Variants in XAF1 observed in about 807,000 individuals in gnomAD.
XAF1 encodes XIAP-associated factor 1.
A neutral mutation model predicts 32.3 loss-of-function variants in XAF1; 32 were observed. That is an observed-to-expected ratio of 0.99 (90% CI 0.75 to 1.33). The LOEUF (loss-of-function observed/expected upper bound fraction) is 1.33. XAF1 is among the 40% of genes most tolerant of loss of function. XAF1 has a pLI of 0.00. For synonymous variants in XAF1, 120 were observed against 125.9 expected (o/e 0.95, Z 0.31); for missense variants, 379 against 366.0 (o/e 1.04, Z -0.29).
rs1172059352 is a variant in XAF1, at chr17:6,756,097, G to C, written c.19G>C (p.Val7Leu). The C allele has an allele frequency of 1.2e-6, 2 of 1,614,062 alleles. No individual in the cohort carries two copies. The highest frequency in any genetic ancestry group is 2.7e-5 in the African/African-American group (2 of 75,018). The change falls in exon 1 of 7, where the codon GTG (valine) becomes CTG (leucine). Residue 7 changes from valine to leucine, a missense_variant. Val to Leu is a conservative substitution (Grantham distance 32). Transcript: ENST00000361842. Reference protein sequence around the residue: MEGDFSVCRNCKRHVVS... With the variant: MEGDFSLCRNCKRHVVS... ...GCAGAACATGGAAGGAGACTTCTCGGTGTGCAGGAACTGGTAAGAAAGTGC... is the reference window on the plus strand; with the variant it reads ...GCAGAACATGGAAGGAGACTTCTCGCTGTGCAGGAACTGGTAAGAAAGTGC...
At chr17:6,760,272 C>T (rs1369626641) in intron 3 of XAF1, 134 bp from the exon 4 acceptor site, 6 of 820,740 alleles carry the variant, frequency 7.3e-6, no homozygotes, top group African/African-American at 5.7e-5. Flanking sequence ...TGCTTGAACC[C>T]GGGAGGCGGA....
intron 2 of XAF1, chr17:6,758,598 C>A: frequency 2.9e-6 from 1 of 343,610 alleles, no homozygotes; most frequent in Non-Finnish European, 5.6e-6. Context: ...GTCTGGGAGT[C>A]AAGGCGAGTG....
chr17:6,756,254 A>C, intron 1 of XAF1, 144 bp downstream of exon 1: 2 of 1,180,122 alleles, frequency 1.7e-6, no homozygotes, highest in East Asian at 4.6e-5. Context: ...GTGGGCCCCA[A>C]GGGTAGGAGG....
At chr17:6,755,752 G>A (rs571778826), upstream of XAF1, 18 of 1,145,682 alleles carry the variant, frequency 1.6e-5, no homozygotes, top group South Asian at 1.0e-4. Flanking sequence ...AGACCCAGAC[G>A]GAGAGAAGCC....
At chr17:6,771,059 A>C (rs548256627) in intron 6 of XAF1, 75 bp downstream of exon 6, 340 of 1,511,056 alleles carry the variant, frequency 2.3e-4, no homozygotes, top group Non-Finnish European at 2.9e-4. Context: ...CAAGACCTGA[A>C]AGATGTTCAC....
intron 1 of XAF1, 22 bp from the exon 2 acceptor site, chr17:6,758,067 T>TC: frequency 6.2e-7 from 1 of 1,613,934 alleles, no homozygotes; most frequent in Non-Finnish European, 8.5e-7. Context: ...TATTTTTCTA[T>TC]CCCCACACCT....
chr17:6,760,711 C>T, intron 4 of XAF1, 110 bp downstream of exon 4: 2 of 1,094,332 alleles, frequency 1.8e-6, no homozygotes, highest in Non-Finnish European at 1.3e-6. Context: ...AGTGTATTTG[C>T]TGTATAGATC....
rs1976206005 is a variant in XAF1 at position 6,773,432 on chromosome 17, A to G, written c.*263A>G. 3 of 382,000 alleles carry G rather than the reference A, an allele frequency of 7.9e-6. No homozygotes were observed. The highest frequency in any genetic ancestry group is 4.9e-5 in the Admixed American group (1 of 20,398). The allele number at this position is 382,000 out of a possible 1,614,324, so 23.7% of individuals were successfully genotyped here. On this transcript the variant is annotated 3_prime_UTR_variant, in exon 7 of 7. Coordinates refer to ENST00000361842, the MANE Select transcript of XAF1 (RefSeq NM_017523.5). ...AAGGAACATACCTCAAAATAATAAG[A>G]GCCATCTATGACAAAACCACAGCCA...
chr17:6,761,969 T>G, intron 4 of XAF1, 186 bp from the exon 5 acceptor site: 2 of 1,528,538 alleles, frequency 1.3e-6, no homozygotes, highest in Non-Finnish European at 8.8e-7. Flanking sequence ...AAGGAAATGA[T>G]GTGGGTGATT....
At chr17:6,769,371 A>G (rs1597750376) in intron 5 of XAF1, among the ~76,000 whole-genome samples, 2 of 152,320 alleles carry the variant, frequency 1.3e-5, no homozygotes, top group Middle Eastern at 3.4e-3. Flanking sequence ...ATGTATATAT[A>G]TATTAAAATA....
At position 6,760,412 on chromosome 17, in the gene XAF1, G is replaced by A. The variant is rs780307784; in HGVS notation, c.232G>A (p.Glu78Lys). 2.3e-5 allele frequency: 37 copies of A among 1,601,756 alleles called. No homozygotes were observed. In the Middle Eastern group the frequency reaches 2.1e-3, roughly 92 times the overall value. ...KSSLEFHKAN[E>K]CQERPVECKF... Reference sequence around the variant, plus strand: ...TTCCTGCTGCCTCCCACAGGCCAATGAGTGCCAGGAGCGCCCTGTTGAGTG... The same window carrying A: ...TTCCTGCTGCCTCCCACAGGCCAATAAGTGCCAGGAGCGCCCTGTTGAGTG... Residue 78 changes from glutamate (E) to lysine (K), a missense_variant, in exon 4 of 7, where the codon GAG (glutamate) becomes AAG (lysine). By Grantham distance (56) the Glu-to-Lys change is moderately conservative. Transcript: ENST00000361842.
chr17:6,756,770 G>A (rs1974708278), intron 1 of XAF1, among the ~76,000 whole-genome samples: 1 of 152,150 alleles, frequency 6.6e-6, no homozygotes, highest in Non-Finnish European at 1.5e-5. Context: ...AGAGAGCAGA[G>A]GAAGGGAAGA....
chr17:6,759,629 GGTGTGT>G (rs3833979), intron 2 of XAF1, 27 bp from the exon 3 acceptor site: 22 of 1,512,368 alleles, frequency 1.5e-5, no homozygotes, highest in East Asian at 7.1e-5. Flanking sequence ...ACCCACATCT[GGTGTGT>G]GTGTGTGTGT....
At chr17:6,760,639 AG>A in intron 4 of XAF1, 38 bp downstream of exon 4, 1 of 1,580,166 alleles carries the variant, frequency 6.3e-7, no homozygotes, top group Non-Finnish European at 8.6e-7. Context: ...AGACGTTCCA[AG>A]GGCCAGAGCC....
intron 3 of XAF1, 80 bp downstream of exon 3, chr17:6,759,798 A>G (rs1481463432): frequency 1.9e-6 from 3 of 1,607,102 alleles, no homozygotes; most frequent in African/African-American, 2.7e-5. Context: ...ACGGGAGGCC[A>G]GTAATAGAGA....
At chr17:6,755,610 T>G (rs1974603347), upstream of XAF1, 7 of 1,012,982 alleles carry the variant, frequency 6.9e-6, no homozygotes, top group South Asian at 4.1e-5. Flanking sequence ...CGCCTGGAAG[T>G]CCAGGAGCCA....
intron 6 of XAF1, among the ~76,000 whole-genome samples, chr17:6,772,101 A>G (rs1269033495): frequency 6.6e-6 from 1 of 152,122 alleles, no homozygotes; most frequent in African/African-American, 2.4e-5. Flanking sequence ...TAAGCATATA[A>G]TTTTACAAAA....
intron 5 of XAF1, among the ~76,000 whole-genome samples, chr17:6,769,472 G>A (rs1242421516): frequency 6.6e-6 from 1 of 152,086 alleles, no homozygotes; most frequent in African/African-American, 2.4e-5. Flanking sequence ...TTCATGAGAT[G>A]TTATTCTTTT....
chr17:6,772,223 C>T (rs1976086015), intron 6 of XAF1, among the ~76,000 whole-genome samples: 1 of 151,946 alleles, frequency 6.6e-6, no homozygotes, highest in Non-Finnish European at 1.5e-5. Context: ...AACAGAGTCG[C>T]CAGATTTAGC....
Sources: allele counts gnomAD v4.1 joint callset (sites outside exome capture counted in the v4.1 genomes callset), GRCh38; gene constraint gnomAD v4.1.1; transcripts MANE v1.5; gene names NCBI Gene and HGNC (gene_info 2026-07-23, HGNC 2026-07-21).